The following CENPE variants were observed in gnomAD, a reference collection of about 807,000 sequenced individuals.
The protein encoded by CENPE is centromere-associated protein E.
CENPE carries 145 observed loss-of-function variants against 336.1 expected under a neutral mutation model. That is an observed-to-expected ratio of 0.43 (90% CI 0.38 to 0.50). The LOEUF (loss-of-function observed/expected upper bound fraction) is 0.50, where lower values mean the gene tolerates loss of function less well. CENPE is among the 20% of genes least tolerant of loss of function. The probability of loss-of-function intolerance (pLI) is 0.00; values close to 1 mark genes in which losing one functional copy is unlikely to be tolerated. For missense variants in CENPE, 2,719 were observed against 3,023.3 expected (o/e 0.90, Z 2.36); for synonymous variants, 1,013 against 984.8 (o/e 1.03, Z -0.54).
chr4:103,146,035 C>A lies in CENPE; in HGVS notation c.4207G>T (p.Val1403Leu). The A allele has an allele frequency of 6.2e-7, 1 of 1,613,818 alleles. No individual in the cohort carries two copies. ...KEKDNETTKI[V>L]SEMEQFKPKD... ...GGTTTGAATTGCTCCATCTCACTCA[C>A]GATTTTGGTAGTTTCATTGTCTTTT... The change falls in exon 30 of 49, where the codon GTG (valine) becomes TTG (leucine). Residue 1403 changes from valine (V) to leucine (L), a missense_variant. Physicochemically the swap from Val to Leu is conservative, Grantham distance 32 (BLOSUM62 1). This residue lies in a region of CENPE where 2,437 missense variants were observed against 2,513.3 expected (regional missense o/e 0.97). Coordinates refer to ENST00000265148, the MANE Select transcript of CENPE (RefSeq NM_001813.3).
chr4:103,163,991 C>A lies in CENPE; in HGVS notation c.1648-438G>T, dbSNP rs140804049. Reference sequence around the variant, plus strand: ...AAAGTTTTTTCTTCCCATAAAGTATCCATCAGCTCTACATTAGTGTACTTT... The same window carrying A: ...AAAGTTTTTTCTTCCCATAAAGTATACATCAGCTCTACATTAGTGTACTTT... On this transcript the variant is annotated intron_variant, in intron 16 of 48. Coordinates refer to ENST00000265148, the MANE Select transcript of CENPE (RefSeq NM_001813.3). 4.5e-3 allele frequency among the ~76,000 whole-genome samples: 691 copies of A among 152,150 alleles called. 3 individuals are homozygous for A. The highest frequency in any genetic ancestry group is 6.8e-3 in the Middle Eastern group (2 of 292).
At chr4:103,179,668 A>C (rs1032046354) in intron 13 of CENPE, among the ~76,000 whole-genome samples, 3 of 152,222 alleles carry the variant, frequency 2.0e-5, no homozygotes, top group Admixed American at 6.5e-5. Flanking sequence ...TGAGGTGAGT[A>C]TCAAGCTATT....
chr4:103,153,266 A>G lies in CENPE; in HGVS notation c.3034-16T>C, dbSNP rs1419674011. On this transcript the variant is annotated splice_polypyrimidine_tract_variant and intron_variant, in intron 24 of 48. Transcript: ENST00000265148. ...TGCCAACCATCTAAAACATAAACAC[A>G]TTACAGAAGAATTTCTTAAGTAGTT... The G allele has an allele frequency of 2.0e-6, 3 of 1,537,426 alleles. No homozygotes were observed. Among genetic ancestry groups the G allele is most frequent in the Middle Eastern group, 2.0e-4 (1 of 5,012 alleles).
At chr4:103,119,166 C>T (rs529712534) in intron 44 of CENPE, among the ~76,000 whole-genome samples, 2 of 152,018 alleles carry the variant, frequency 1.3e-5, no homozygotes, top group South Asian at 4.2e-4. Context: ...TATAATATAC[C>T]TCTTAATATA....
Position 103,180,330 on chromosome 4 carries a change from G to T in CENPE, c.1223C>A (p.Thr408Lys), listed in dbSNP as rs778023977. 99 of 1,610,948 alleles carry T rather than the reference G, an allele frequency of 6.1e-5. No homozygotes were observed. The highest frequency in any genetic ancestry group is 8.3e-5 in the Non-Finnish European group (98 of 1,178,404). ...TTTTACCTTTAATTCCTGTTGCAAC[G>T]TGAGGGAAGAAGAGGTCACCAGCAT... ...TRMLVTSSSL[T>K]LQQELKAKRK... is the part of the protein sequence containing the mutation. Residue 408 changes from threonine (T) to lysine (K), a missense_variant, in exon 13 of 49, where the codon ACG (threonine) becomes AAG (lysine). Thr to Lys is a moderately conservative substitution (Grantham distance 78). Coordinates refer to ENST00000265148, the MANE Select transcript of CENPE (RefSeq NM_001813.3).
chr4:103,149,476 A>T, intron 26 of CENPE, 68 bp from the exon 27 acceptor site: 1 of 1,364,824 alleles, frequency 7.3e-7, no homozygotes, highest in African/African-American at 1.5e-5. Flanking sequence ...CAAAATCATT[A>T]ACAGCCTTGC....
At position 103,110,835 on chromosome 4, in the gene CENPE, A is replaced by G. The variant is rs1749348620; in HGVS notation, c.7717T>C (p.Leu2573=). The G allele has an allele frequency of 3.1e-6, 5 of 1,596,334 alleles. No individual in the cohort carries two copies. The highest frequency in any genetic ancestry group is 1.4e-5 in the African/African-American group (1 of 73,898). The change falls in exon 47 of 49, where the codon TTG becomes CTG. Residue 2573 remains leucine (L), a synonymous_variant. Coordinates refer to ENST00000265148, the MANE Select transcript of CENPE (RefSeq NM_001813.3). ...CATGTAAGCAGATCTTACCTTAACA[A>G]TTCATTCTTTTGTTTTATTAGCTGT... is the stretch of plus-strand genomic sequence containing the variant. ...NEQLIKQKNE[L]LSNNQHLSNE... is the part of the protein sequence containing the mutation.
At chr4:103,142,738 G>A (rs1752670598) in intron 34 of CENPE, among the ~76,000 whole-genome samples, 1 of 152,128 alleles carries the variant, frequency 6.6e-6, no homozygotes, top group Admixed American at 6.5e-5. Flanking sequence ...GGCTGGGCCT[G>A]GCGGCTCATG....
intron 47 of CENPE, among the ~76,000 whole-genome samples, 180 bp downstream of exon 47, chr4:103,110,648 G>C (rs1457494033): frequency 6.6e-6 from 1 of 151,992 alleles, no homozygotes; most frequent in African/African-American, 2.4e-5. Flanking sequence ...AGCAAACATT[G>C]GAATAGTGCT....
rs773533281 is a variant in CENPE, at chr4:103,144,533, T to A, written c.4943A>T (p.His1648Leu). The A allele has an allele frequency of 2.0e-5, 33 of 1,613,616 alleles. No homozygotes were observed. The highest frequency in any genetic ancestry group is 6.8e-6 in the Non-Finnish European group (8 of 1,179,724). Residue 1648 changes from histidine to leucine, a missense_variant, in exon 33 of 49, where the codon CAC becomes CTC. By Grantham distance (99) the His-to-Leu change is moderately conservative. This residue lies in a region of CENPE where 2,437 missense variants were observed against 2,513.3 expected (regional missense o/e 0.97). Coordinates refer to ENST00000265148, the MANE Select transcript of CENPE (RefSeq NM_001813.3). ...CTGGGTCTCAAATTGCTCCTTCAAG[T>A]GTTCTATTTCACACATTTTCTCCTG... The part of the protein sequence containing the change: ...ETQEKMCEIE[H>L]LKEQFETQKL...
chr4:103,116,741 C>A (rs754352184), intron 44 of CENPE, 52 bp from the exon 45 acceptor site: 32 of 920,826 alleles, frequency 3.5e-5, no homozygotes, highest in Admixed American at 5.6e-5. Flanking sequence ...GCTTCAGTTT[C>A]TCCAGTTGTA....
intron 16 of CENPE, among the ~76,000 whole-genome samples, chr4:103,167,074 T>C (rs1754986358): frequency 6.6e-6 from 1 of 152,208 alleles, no homozygotes; most frequent in African/African-American, 2.4e-5. Flanking sequence ...CATAACTCTC[T>C]TAGATGGAGA....
intron 8 of CENPE, among the ~76,000 whole-genome samples, chr4:103,187,305 A>G (rs1056514439): frequency 1.3e-5 from 2 of 152,210 alleles, no homozygotes; most frequent in African/African-American, 2.4e-5. Flanking sequence ...GAATGCCACA[A>G]AGATACTCCT....
At chr4:103,115,864 G>A (rs1418242112) in intron 45 of CENPE, among the ~76,000 whole-genome samples, 1 of 151,700 alleles carries the variant, frequency 6.6e-6, no homozygotes, top group African/African-American at 2.4e-5. Flanking sequence ...CCAAGTAGCT[G>A]GGACTACAGG....
chr4:103,134,470 T>G (rs1459697797), intron 40 of CENPE, among the ~76,000 whole-genome samples: 1 of 151,668 alleles, frequency 6.6e-6, no homozygotes, highest in East Asian at 1.9e-4. Context: ...CTGTCTCTAC[T>G]AAAAATACAA....
chr4:103,107,525 T>C (rs765425764), intron 48 of CENPE, among the ~76,000 whole-genome samples: 1 of 152,188 alleles, frequency 6.6e-6, no homozygotes, highest in Middle Eastern at 3.2e-3. Context: ...TCTGGTAGGG[T>C]AGGCAGACAC....
In CENPE at chr4:103,170,253, T is replaced by C. The variant is rs183614127; in HGVS notation, c.1647+4483A>G. ...ACCTATGTAACAAATCTGTATGTTA[T>C]GCACATGTACCCCAGAACTTAAAGT... On this transcript the variant is annotated intron_variant, in intron 16 of 48. Transcript: ENST00000265148. Among the ~76,000 whole-genome samples the C allele has an allele frequency of 3.5e-3, 532 of 152,202 alleles. 4 individuals are homozygous for C. Among genetic ancestry groups the C allele is most frequent in the African/African-American group, 0.012 (498 of 41,524 alleles).
intron 9 of CENPE, among the ~76,000 whole-genome samples, chr4:103,183,597 AT>A (rs967564935): frequency 2.0e-5 from 3 of 152,092 alleles, no homozygotes; most frequent in South Asian, 2.1e-4. Flanking sequence ...GTTCAAATCA[AT>A]TTTTTTCCAA....
intron 10 of CENPE, 47 bp from the exon 11 acceptor site, chr4:103,182,938 T>C (rs1756447681): frequency 1.9e-6 from 3 of 1,563,098 alleles, no homozygotes; most frequent in South Asian, 1.2e-5. Flanking sequence ...AGAACGTTTA[T>C]ATAATAAAGT....
Sources: allele counts gnomAD v4.1 joint callset (sites outside exome capture counted in the v4.1 genomes callset), GRCh38; gene constraint gnomAD v4.1.1; regional missense constraint gnomAD v4.1.1; transcripts MANE v1.5; gene names NCBI Gene and HGNC (gene_info 2026-07-23, HGNC 2026-07-21).